USP30: variants seen among roughly 807,000 people sequenced by gnomAD.
USP30 encodes ubiquitin carboxyl-terminal hydrolase 30.
In USP30, 41 loss-of-function variants were observed where a neutral mutation model predicts 68.2. The ratio of observed to expected loss-of-function variants is 0.60; its 90% CI spans 0.47 to 0.78. The LOEUF is 0.78. USP30 is among the 30% of genes least tolerant of loss of function. The probability of loss-of-function intolerance (pLI) is 0.00; values close to 1 mark genes in which losing one functional copy is unlikely to be tolerated. For synonymous variants in USP30, 229 were observed against 253.7 expected, an observed-to-expected ratio of 0.90 and a Z score of 0.93; for missense variants, 522 against 649.4, an observed-to-expected ratio of 0.80 and a Z score of 2.13.
At chr12:109,048,396 T>C (rs1424024354), upstream of USP30, among the ~76,000 whole-genome samples, 2 of 151,442 alleles carry the variant, frequency 1.3e-5, no homozygotes, top group Non-Finnish European at 2.9e-5. Flanking sequence ...TGCTTCAGTA[T>C]TGTTGGGTTT....
intron 3 of USP30, among the ~76,000 whole-genome samples, chr12:109,033,601 A>G (rs1418452434): frequency 6.6e-6 from 1 of 152,184 alleles, no homozygotes. Context: ...CCAAATTTGT[A>G]TGATCAAATT....
chr12:109,044,828 A>G (rs1397947003), intron 3 of USP30, among the ~76,000 whole-genome samples: 1 of 152,062 alleles, frequency 6.6e-6, no homozygotes, highest in African/African-American at 2.4e-5. Flanking sequence ...TGCTCTACCT[A>G]TACCTCTCAC....
At chr12:109,066,247 C>A (rs867204519) in intron 3 of USP30, among the ~76,000 whole-genome samples, 2,705 of 94,698 alleles carry the variant, frequency 0.029, no homozygotes, top group African/African-American at 0.044. Context: ...GACCCTGTCT[C>A]AAAAAAAAAA....
intron 3 of USP30, among the ~76,000 whole-genome samples, chr12:109,042,387 GTTAC>G (rs1446044713): frequency 1.3e-5 from 2 of 152,142 alleles, no homozygotes; most frequent in Non-Finnish European, 2.9e-5. Flanking sequence ...TGTGCTCCCA[GTTAC>G]TTATTTATCC....
intron 3 of USP30, among the ~76,000 whole-genome samples, chr12:109,045,179 A>G (rs2040594402): frequency 6.6e-6 from 1 of 152,024 alleles, no homozygotes; most frequent in Non-Finnish European, 1.5e-5. Context: ...GGGTTTCACC[A>G]TGTTGGCCAG....
chr12:109,077,940 C>T (rs1181381901), intron 7 of USP30, among the ~76,000 whole-genome samples: 1 of 152,136 alleles, frequency 6.6e-6, no homozygotes, highest in South Asian at 2.1e-4. Flanking sequence ...AAGTATAGTT[C>T]TGTTACCCCA....
chr12:109,052,463 A>C, upstream of USP30: 1 of 417,054 alleles, frequency 2.4e-6, no homozygotes, highest in Non-Finnish European at 4.2e-6. Context: ...GCCTGTTGCT[A>C]AGGGAAAAGA....
chr12:109,077,613 G>T (rs2135801644), intron 7 of USP30, among the ~76,000 whole-genome samples: 1 of 152,250 alleles, frequency 6.6e-6, no homozygotes, highest in South Asian at 2.1e-4. Context: ...CAATCTTTTA[G>T]TTGGAATGCT....
upstream of USP30, among the ~76,000 whole-genome samples, chr12:109,050,783 T>TA (rs1369464614): frequency 6.6e-6 from 1 of 151,900 alleles, no homozygotes; most frequent in Admixed American, 6.6e-5. Context: ...CCGAGGCGGA[T>TA]GGATCACGAG....
intron 3 of USP30, among the ~76,000 whole-genome samples, chr12:109,058,816 A>T (rs2040962933): frequency 6.6e-6 from 1 of 152,222 alleles, no homozygotes; most frequent in Non-Finnish European, 1.5e-5. Flanking sequence ...TCATCAAAGA[A>T]GTATAAACAA....
Position 109,082,893 on chromosome 12 carries a change from C to T in USP30, c.999C>T (p.His333=), listed in dbSNP as rs758580089. 85 of 1,614,114 alleles carry T rather than the reference C, an allele frequency of 5.3e-5. 1 individual carries two copies. The Admixed American group carries it at 1.1e-3, about 22-fold the overall frequency. ...IHLQRLSWSS[H]GTPLKRHEHV... ...TACAGCGGCTGAGCTGGTCCAGCCA[C>T]GGCACGCCTCTGAAGCGGCATGAGC... is the stretch of plus-strand genomic sequence containing the variant. Residue 333 remains histidine (H), a synonymous_variant, in exon 11 of 13, where the codon CAC becomes CAT. Transcript: ENST00000257548.
chr12:109,085,575 A>G, intron 12 of USP30, 92 bp from the exon 13 acceptor site: 1 of 1,466,710 alleles, frequency 6.8e-7, no homozygotes. Flanking sequence ...CATTGTATTC[A>G]TCCCCTATTT....
At chr12:109,056,858 A>G in intron 2 of USP30, 67 bp downstream of exon 2, 3 of 1,154,604 alleles carry the variant, frequency 2.6e-6, no homozygotes, top group Non-Finnish European at 3.6e-6. Context: ...TGAAAACAGT[A>G]CAAAGAAGGT....
At chr12:109,085,566 A>G (rs2041922767) in intron 12 of USP30, 101 bp from the exon 13 acceptor site, 1 of 1,421,160 alleles carries the variant, frequency 7.0e-7, no homozygotes. Context: ...TGGACTTACC[A>G]TTGTATTCAT....
At chr12:109,023,628 C>CTTTTTTTTTTTTT (rs1179349331) in intron 1 of USP30, among the ~76,000 whole-genome samples, 2 of 72,674 alleles carry the variant, frequency 2.8e-5, no homozygotes, top group Non-Finnish European at 4.9e-5. Flanking sequence ...TTAATCAGGA[C>CTTTTTTTTTTTTT]TTTTTTTTTT....
intron 7 of USP30, among the ~76,000 whole-genome samples, chr12:109,075,685 G>A (rs2041579561): frequency 6.6e-6 from 1 of 152,146 alleles, no homozygotes; most frequent in Non-Finnish European, 1.5e-5. Flanking sequence ...CATCCTAACA[G>A]GTGTGCGGTG....
Position 109,082,672 on chromosome 12 carries a change from A to G in USP30, c.877A>G (p.Lys293Glu). ...GTTCCTTTTATTTCAGATTGAAGCC[A>G]AGGGAACGTTGAACGGGGAAAAGGT... ...VCDNCTKIEA[K>E]GTLNGEKVEH... The change falls in exon 10 of 13, where the codon AAG (lysine) becomes GAG (glutamate). Residue 293 changes from lysine to glutamate, a missense_variant. Physicochemically the swap from Lys to Glu is moderately conservative, Grantham distance 56 (BLOSUM62 1). Transcript: ENST00000257548. 6.2e-7 allele frequency: 1 copy of G among 1,614,176 alleles called. No homozygotes were observed. Among genetic ancestry groups the G allele is most frequent in the South Asian group, 1.1e-5 (1 of 91,082 alleles).
chr12:109,082,451 T>A (rs1453610817), intron 9 of USP30: 2 of 585,688 alleles, frequency 3.4e-6, no homozygotes, highest in Non-Finnish European at 6.1e-6. Flanking sequence ...CAGTGTTCGC[T>A]CTTCACATTC....
upstream of USP30, among the ~76,000 whole-genome samples, chr12:109,048,354 G>A (rs1220739455): frequency 6.6e-6 from 1 of 151,874 alleles, no homozygotes; most frequent in Non-Finnish European, 1.5e-5. Context: ...CCAAAGTGCC[G>A]GGATTATAGG....
Sources: allele counts gnomAD v4.1 joint callset (sites outside exome capture counted in the v4.1 genomes callset), GRCh38; gene constraint gnomAD v4.1.1; transcripts MANE v1.5; gene names NCBI Gene and HGNC (gene_info 2026-07-23, HGNC 2026-07-21).